PDGFD: variants seen among roughly 807,000 people sequenced by gnomAD.
The protein encoded by PDGFD is platelet-derived growth factor D.
A neutral mutation model predicts 44.7 loss-of-function variants in PDGFD; 30 were observed. The ratio of observed to expected loss-of-function variants is 0.67; its 90% CI spans 0.50 to 0.91. The LOEUF (loss-of-function observed/expected upper bound fraction) is 0.91, where lower values mean the gene tolerates loss of function less well. Ranked by LOEUF, PDGFD falls within the 40% of genes least tolerant of loss-of-function variation. PDGFD has a pLI of 0.00. For missense variants in PDGFD, 445 were observed against 457.8 expected (o/e 0.97, Z 0.25); for synonymous variants, 173 against 168.4 (o/e 1.03, Z -0.21).
intron 1 of PDGFD, among the ~76,000 whole-genome samples, chr11:104,064,000 A>T (rs189824865): frequency 6.6e-6 from 1 of 152,338 alleles, no homozygotes; most frequent in Non-Finnish European, 1.5e-5. Flanking sequence ...TAAGTGGTGG[A>T]GTCCATCAGG....
intron 3 of PDGFD, among the ~76,000 whole-genome samples, chr11:103,984,895 T>C (rs1859332049): frequency 7.1e-6 from 1 of 140,566 alleles, no homozygotes; most frequent in East Asian, 2.0e-4. Flanking sequence ...ATTTACTATA[T>C]AATATATTAA....
intron 1 of PDGFD, among the ~76,000 whole-genome samples, chr11:104,042,524 T>C (rs1860372271): frequency 6.6e-6 from 1 of 152,230 alleles, no homozygotes; most frequent in South Asian, 2.1e-4. Context: ...AGAAAGACTT[T>C]TATAAATCCA....
At chr11:103,980,160 T>G (rs1011396322) in intron 3 of PDGFD, among the ~76,000 whole-genome samples, 1 of 152,094 alleles carries the variant, frequency 6.6e-6, no homozygotes, top group Non-Finnish European at 1.5e-5. Flanking sequence ...ATAGTAGGGG[T>G]TTTATTGTCT....
At chr11:104,108,176 G>A (rs1042025697) in intron 1 of PDGFD, among the ~76,000 whole-genome samples, 4 of 152,014 alleles carry the variant, frequency 2.6e-5, no homozygotes, top group African/African-American at 9.7e-5. Flanking sequence ...GACACCAAAA[G>A]CAATGGCAAC....
intron 1 of PDGFD, among the ~76,000 whole-genome samples, chr11:104,015,127 T>A (rs947120248): frequency 6.6e-6 from 1 of 152,228 alleles, no homozygotes; most frequent in African/African-American, 2.4e-5. Flanking sequence ...AAACTCTTAA[T>A]GTGCTACTTA....
intron 1 of PDGFD, among the ~76,000 whole-genome samples, chr11:104,107,578 A>C (rs1056110706): frequency 1.3e-5 from 2 of 152,190 alleles, no homozygotes; most frequent in Non-Finnish European, 2.9e-5. Flanking sequence ...AAAAACAGTA[A>C]ATGAATACAA....
At chr11:104,162,725 G>A (rs1057149637) in intron 1 of PDGFD, among the ~76,000 whole-genome samples, 19 of 152,066 alleles carry the variant, frequency 1.2e-4, no homozygotes, top group East Asian at 1.9e-4. Context: ...TACCAAGAAA[G>A]AAACTGATAA....
intron 1 of PDGFD, among the ~76,000 whole-genome samples, chr11:104,088,309 C>T (rs1029395606): frequency 2.0e-5 from 3 of 152,140 alleles, no homozygotes; most frequent in Non-Finnish European, 4.4e-5. Flanking sequence ...TCTGTTTATT[C>T]TGCCTTACTG....
chr11:103,956,095 G>A (rs1197266336), intron 3 of PDGFD, among the ~76,000 whole-genome samples: 1 of 147,502 alleles, frequency 6.8e-6, no homozygotes, highest in East Asian at 2.0e-4. Flanking sequence ...AAGTTTTAAG[G>A]TACATGTGGA....
intron 1 of PDGFD, among the ~76,000 whole-genome samples, chr11:104,117,782 C>T (rs1861663790): frequency 6.6e-6 from 1 of 151,922 alleles, no homozygotes; most frequent in South Asian, 2.1e-4. Flanking sequence ...TGCGTACAAT[C>T]AATACTGTGA....
At chr11:104,066,768 A>C (rs1463766893) in intron 1 of PDGFD, among the ~76,000 whole-genome samples, 1 of 152,136 alleles carries the variant, frequency 6.6e-6, no homozygotes, top group Non-Finnish European at 1.5e-5. Context: ...TCACTGATTG[A>C]TCCCAGCTGG....
chr11:104,129,283 G>A (rs1458494921), intron 1 of PDGFD, among the ~76,000 whole-genome samples: 16 of 150,888 alleles, frequency 1.1e-4, no homozygotes. Context: ...GTAGCACTGT[G>A]TGGCAGCTAT....
At chr11:103,949,535 G>C (rs931872967) in intron 3 of PDGFD, among the ~76,000 whole-genome samples, 7 of 152,194 alleles carry the variant, frequency 4.6e-5, no homozygotes, top group African/African-American at 1.4e-4. Flanking sequence ...GAGACTATTG[G>C]TGGAGGACAT....
intron 1 of PDGFD, among the ~76,000 whole-genome samples, chr11:104,116,986 T>C (rs1304545540): frequency 6.6e-6 from 1 of 151,908 alleles, no homozygotes; most frequent in Non-Finnish European, 1.5e-5. Context: ...CAGTCTCGAG[T>C]ATGTCTTTAT....
intron 3 of PDGFD, among the ~76,000 whole-genome samples, chr11:103,985,672 T>C (rs1859352475): frequency 6.7e-6 from 1 of 149,138 alleles, no homozygotes. Flanking sequence ...AGAATATGTG[T>C]AAGGAAAAGG....
At chr11:104,131,711 C>T (rs181559798) in intron 1 of PDGFD, among the ~76,000 whole-genome samples, 1 of 150,792 alleles carries the variant, frequency 6.6e-6, no homozygotes, top group African/African-American at 2.4e-5. Flanking sequence ...AGATTTGCTG[C>T]CACCAATGAG....
chr11:103,925,722 T>C (rs1475990268), intron 6 of PDGFD, among the ~76,000 whole-genome samples: 15 of 142,454 alleles, frequency 1.1e-4, no homozygotes, highest in African/African-American at 2.6e-4. Context: ...CACACATATA[T>C]ATATATATAT....
chr11:103,912,756 AT>A (rs1412914318), intron 6 of PDGFD, among the ~76,000 whole-genome samples: 1 of 152,122 alleles, frequency 6.6e-6, no homozygotes, highest in Non-Finnish European at 1.5e-5. Flanking sequence ...AAAGACACAC[AT>A]AGGCTCAAAA....
chr11:103,932,284 A>G (rs1858414326), intron 5 of PDGFD, among the ~76,000 whole-genome samples: 1 of 152,140 alleles, frequency 6.6e-6, no homozygotes, highest in African/African-American at 2.4e-5. Flanking sequence ...AAAGTATTCA[A>G]TAAATTATAT....
Sources: gnomAD v4.1 joint callset for allele counts (sites outside exome capture counted in the v4.1 genomes callset) on GRCh38, gnomAD v4.1.1 for gene constraint, MANE v1.5 for transcripts, NCBI Gene and HGNC (gene_info 2026-07-23, HGNC 2026-07-21) for gene names.